The following KDM2A variants were observed in gnomAD, a reference collection of about 807,000 sequenced individuals.
The protein encoded by KDM2A is lysine-specific demethylase 2A.
A neutral mutation model predicts 137.3 loss-of-function variants in KDM2A; 3 were observed. The observed-to-expected ratio is 0.02, with a 90% CI of 0.01 to 0.06. KDM2A has a LOEUF of 0.06. Among genes scored for constraint, KDM2A ranks in the 10% least tolerant of loss-of-function variants. The probability of loss-of-function intolerance (pLI) is 1.00; values close to 1 mark genes in which losing one functional copy is unlikely to be tolerated. For missense variants in KDM2A, 738 were observed against 1,510.6 expected, an observed-to-expected ratio of 0.49 and a Z score of 8.48; for synonymous variants, 512 against 541.5, an observed-to-expected ratio of 0.95 and a Z score of 0.76.
intron 10 of KDM2A, among the ~76,000 whole-genome samples, chr11:67,225,667 G>A (rs1470984420): frequency 6.6e-6 from 1 of 152,234 alleles, no homozygotes. Context: ...CTACTCGGGA[G>A]GCTGAGGCAG....
In KDM2A at chr11:67,255,689, A is replaced by G. The variant is rs973977437; in HGVS notation, c.*634A>G. On this transcript the variant is annotated 3_prime_UTR_variant, in exon 21 of 21. Coordinates refer to ENST00000529006, the MANE Select transcript of KDM2A (RefSeq NM_012308.3). ...AGCACTCGTGCTTGTTCACATAATT[A>G]GGTTTCCCACCCCAGCCTACCCGAC... 4 of 407,038 alleles carry G rather than the reference A, an allele frequency of 9.8e-6. No individual in the cohort carries two copies. The highest frequency in any genetic ancestry group is 8.2e-5 in the African/African-American group (4 of 48,696). The allele number at this position is 407,038 out of a possible 1,614,324, so 25.2% of individuals were successfully genotyped here.
intron 8 of KDM2A, among the ~76,000 whole-genome samples, chr11:67,216,251 G>A (rs1317940330): frequency 1.3e-5 from 2 of 152,182 alleles, no homozygotes; most frequent in Non-Finnish European, 2.9e-5. Flanking sequence ...AGAAGGACAA[G>A]ATAATTTCTG....
intron 6 of KDM2A, 120 bp downstream of exon 6, chr11:67,207,808 T>C: frequency 1.4e-6 from 1 of 713,122 alleles, no homozygotes; most frequent in Admixed American, 3.1e-5. Context: ...GCAGATCGCT[T>C]GAGCTGAGGA....
At chr11:67,185,891 A>G (rs182803915) in intron 5 of KDM2A, among the ~76,000 whole-genome samples, 104 of 151,696 alleles carry the variant, frequency 6.9e-4, no homozygotes, top group African/African-American at 2.3e-3. Flanking sequence ...TTGATTTTAG[A>G]CTTCCCAGCC....
intron 2 of KDM2A, among the ~76,000 whole-genome samples, chr11:67,122,643 TTTTA>T (rs561153207): frequency 0.058 from 8,318 of 144,534 alleles, 411 homozygotes; most frequent in African/African-American, 0.14. Context: ...TTTTATTTAT[TTTTA>T]TTTATTTATT....
At chr11:67,208,096 G>C (rs1857866389) in intron 6 of KDM2A, among the ~76,000 whole-genome samples, 1 of 151,942 alleles carries the variant, frequency 6.6e-6, no homozygotes, top group Non-Finnish European at 1.5e-5. Flanking sequence ...CACATATCAA[G>C]ATTAAGCTGA....
At chr11:67,177,363 A>G (rs961802276) in intron 2 of KDM2A, among the ~76,000 whole-genome samples, 59 of 152,342 alleles carry the variant, frequency 3.9e-4, no homozygotes, top group African/African-American at 1.3e-3. Context: ...CACTTTTGTA[A>G]TAATACTTAG....
At chr11:67,203,559 G>T (rs1392284389) in intron 5 of KDM2A, among the ~76,000 whole-genome samples, 1 of 148,394 alleles carries the variant, frequency 6.7e-6, no homozygotes, top group Admixed American at 6.7e-5. Context: ...AAGAATACCA[G>T]CCTGGGCAAC....
rs769737980 is a variant in KDM2A, at chr11:67,231,570, G to T, written c.1089G>T (p.Leu363Phe). The T allele has an allele frequency of 3.1e-6, 5 of 1,593,022 alleles. No individual in the cohort carries two copies. The highest frequency in any genetic ancestry group is 8.5e-7 in the Non-Finnish European group (1 of 1,169,910). ...ATTTTTTCTTCATATTGGTAGATTT[G>T]GAGTTAAATGGGTTGGAGTCTGGGA... Reference protein sequence around the residue: ...EFQKESLSMDLELNGLESGNG... With the variant: ...EFQKESLSMDFELNGLESGNG... Residue 363 changes from leucine to phenylalanine, a missense_variant, in exon 12 of 21, where the codon TTG (leucine) becomes TTT (phenylalanine). Physicochemically the swap from Leu to Phe is conservative, Grantham distance 22. Around this residue, in one of 9 missense-constraint regions of KDM2A, gnomAD observed 113 missense variants for 133.5 expected, o/e 0.85. Transcript: ENST00000529006.
At position 67,254,215 on chromosome 11, in the gene KDM2A, G is replaced by A. The variant is rs772888557; in HGVS notation, c.3104G>A (p.Arg1035His). ...CTTGCCTGTACAGGTCAGGACAATC[G>A]CAGCAAGCTCCGGAACATGACCGAC... ...PPADKPGQDN[R>H]SKLRNMTDFR... The change falls in exon 20 of 21, where the codon CGC becomes CAC. Residue 1035 changes from arginine (R) to histidine (H), a missense_variant. Physicochemically the swap from Arg to His is conservative, Grantham distance 29. This residue lies in a region of KDM2A where 166 missense variants were observed against 324.0 expected (regional missense o/e 0.51). Coordinates refer to ENST00000529006, the MANE Select transcript of KDM2A (RefSeq NM_012308.3). The surrounding 1 kb of genome is among the most constrained non-coding windows in gnomAD (Gnocchi z 4.7). 5.6e-6 allele frequency: 9 copies of A among 1,613,600 alleles called. No individual in the cohort carries two copies. Among genetic ancestry groups the A allele is most frequent in the Admixed American group, 1.7e-5 (1 of 60,010 alleles).
At chr11:67,201,691 C>G (rs1412921457) in intron 5 of KDM2A, among the ~76,000 whole-genome samples, 1 of 144,528 alleles carries the variant, frequency 6.9e-6, no homozygotes, top group Non-Finnish European at 1.5e-5. Flanking sequence ...TCACTTGAAC[C>G]TGGGAGACGG....
At chr11:67,252,597 C>T (rs757946559) in intron 17 of KDM2A, 97 bp from the exon 18 acceptor site, 14 of 1,338,578 alleles carry the variant, frequency 1.0e-5, no homozygotes, top group Middle Eastern at 3.6e-4. Flanking sequence ...GAACGAGCCT[C>T]CAGGTACTCT....
chr11:67,170,047 T>TC (rs1341226740), intron 2 of KDM2A, among the ~76,000 whole-genome samples: 1 of 152,126 alleles, frequency 6.6e-6, no homozygotes, highest in African/African-American at 2.4e-5. Flanking sequence ...TGAGTCACCA[T>TC]GCCTGGCCCA....
At chr11:67,122,762 G>A (rs952740177) in intron 2 of KDM2A, among the ~76,000 whole-genome samples, 3 of 151,192 alleles carry the variant, frequency 2.0e-5, no homozygotes, top group Non-Finnish European at 4.4e-5. Context: ...TGCACGCTCC[G>A]CCTCCTGGGT....
intron 5 of KDM2A, among the ~76,000 whole-genome samples, chr11:67,184,452 A>G (rs1857158131): frequency 6.6e-6 from 1 of 152,012 alleles, no homozygotes; most frequent in South Asian, 2.1e-4. Flanking sequence ...ACATGGTGAA[A>G]CCCCGTCTTT....
Position 67,250,514 on chromosome 11 carries a change from C to G in KDM2A, c.2484C>G (p.Asn828Lys), listed in dbSNP as rs1425414079. Residue 828 changes from asparagine (N) to lysine (K), a missense_variant, in exon 17 of 21, where the codon AAC becomes AAG. Coordinates refer to ENST00000529006, the MANE Select transcript of KDM2A (RefSeq NM_012308.3). This position sits in a 1 kb window ranked among gnomAD's most constrained non-coding sequence, Gnocchi z 7.1. ...AGGCCATCACGGCCTCCTCTGCCAA[C>G]CTTCGCCATTCCCCCCGTGTGCTAG... is the stretch of plus-strand genomic sequence containing the variant. Reference protein sequence around the residue: ...KLQAITASSANLRHSPRVLVQ... With the variant: ...KLQAITASSAKLRHSPRVLVQ... 7 of 1,614,054 alleles carry G rather than the reference C, an allele frequency of 4.3e-6. No individual in the cohort carries two copies. Among genetic ancestry groups the G allele is most frequent in the Non-Finnish European group, 5.9e-6 (7 of 1,179,906 alleles).
At chr11:67,134,880 A>G (rs1272742595) in intron 2 of KDM2A, among the ~76,000 whole-genome samples, 2 of 152,166 alleles carry the variant, frequency 1.3e-5, no homozygotes, top group Non-Finnish European at 2.9e-5. Flanking sequence ...ATGCTTTGCA[A>G]AAGTAAGCAT....
intron 5 of KDM2A, among the ~76,000 whole-genome samples, chr11:67,185,006 C>T (rs1038579652): frequency 2.6e-5 from 4 of 151,954 alleles, no homozygotes; most frequent in African/African-American, 9.7e-5. Flanking sequence ...GGAAAAAAAT[C>T]AACAGAAAAT....
intron 12 of KDM2A, 82 bp from the exon 13 acceptor site, chr11:67,242,927 G>A (rs773639147): frequency 2.0e-5 from 21 of 1,043,352 alleles, no homozygotes; most frequent in Non-Finnish European, 3.2e-5. Flanking sequence ...GGGTACTGAG[G>A]CAGAGTCTGG....
Sources: gnomAD v4.1 joint callset for allele counts (sites outside exome capture counted in the v4.1 genomes callset) on GRCh38, gnomAD v4.1.1 for gene constraint, gnomAD v4.1.1 regional missense constraint, Gnocchi (gnomAD v3.1) non-coding constraint, MANE v1.5 for transcripts, NCBI Gene and HGNC (gene_info 2026-07-23, HGNC 2026-07-21) for gene names.